Variants in MYEF2 observed in about 807,000 individuals in gnomAD.
The protein encoded by MYEF2 is myelin gene expression factor 2.
In MYEF2, 37 loss-of-function variants were observed where a neutral mutation model predicts 75.2. The ratio of observed to expected loss-of-function variants is 0.49; its 90% CI spans 0.38 to 0.65. MYEF2 has a LOEUF of 0.65. MYEF2 is among the 30% of genes least tolerant of loss of function. The pLI, the probability that MYEF2 is intolerant of heterozygous loss-of-function variation, is 0.00. For synonymous variants in MYEF2, 195 were observed against 241.6 expected (o/e 0.81, Z 1.79); for missense variants, 634 against 771.4 (o/e 0.82, Z 2.11).
At chr15:48,153,672 C>A in intron 10 of MYEF2, 120 bp downstream of exon 10, 1 of 747,940 alleles carries the variant, frequency 1.3e-6, no homozygotes, top group Non-Finnish European at 2.2e-6. Context: ...TGAAGTGACA[C>A]CGTAAATATC....
chr15:48,172,035 CA>C (rs1460209260), intron 1 of MYEF2, among the ~76,000 whole-genome samples: 1 of 151,962 alleles, frequency 6.6e-6, no homozygotes, highest in Non-Finnish European at 1.5e-5. Context: ...GTATGAGATC[CA>C]ATATTAATCC....
intron 5 of MYEF2, among the ~76,000 whole-genome samples, chr15:48,160,115 G>C (rs551215858): frequency 6.6e-6 from 1 of 152,138 alleles, no homozygotes; most frequent in South Asian, 2.1e-4. Context: ...AAAGAAGAGC[G>C]AAGTACTCAC....
intron 1 of MYEF2, among the ~76,000 whole-genome samples, chr15:48,173,860 T>C (rs1342002943): frequency 6.6e-6 from 1 of 152,018 alleles, no homozygotes; most frequent in Non-Finnish European, 1.5e-5. Flanking sequence ...ATAATACAAA[T>C]GAAAGATATT....
Position 48,136,614 on chromosome 15 carries a change from T to C in MYEF2, c.*6294A>G. 2 of 1,381,322 alleles carry C rather than the reference T, an allele frequency of 1.4e-6. No homozygotes were observed. Among genetic ancestry groups the C allele is most frequent in the Non-Finnish European group, 2.0e-6 (2 of 1,012,208 alleles). The allele number at this position is 1,381,322 out of a possible 1,614,324, so 85.6% of individuals were successfully genotyped here. A position where few individuals can be genotyped will look rare whatever the true frequency, so the allele number is the denominator to read the frequency against. ...TGTTAGAAAATCATTCAATAGATAC[T>C]GCCCAAAAGCTATCAACTCTAAAAT... On this transcript the variant is annotated 3_prime_UTR_variant, in exon 17 of 17. Coordinates refer to ENST00000324324, the MANE Select transcript of MYEF2 (RefSeq NM_016132.5).
chr15:48,142,895 C>T lies in MYEF2; in HGVS notation c.*13G>A, dbSNP rs1230879335. On this transcript the variant is annotated 3_prime_UTR_variant, in exon 17 of 17. Coordinates refer to ENST00000324324, the MANE Select transcript of MYEF2 (RefSeq NM_016132.5). ...CAAAACAGATGTAGGAATGTTCCAA[C>T]CATGGCTTGAAATTATGCATTACGA... is the stretch of plus-strand genomic sequence containing the variant. The T allele has an allele frequency of 6.3e-7, 1 of 1,586,116 alleles. No individual in the cohort carries two copies. Among genetic ancestry groups the T allele is most frequent in the Non-Finnish European group, 8.6e-7 (1 of 1,168,376 alleles).
rs554920411 is a variant in MYEF2, at chr15:48,166,126, A to G, written c.426T>C (p.Gly142=). Residue 142 remains glycine (G), a splice_region_variant and synonymous_variant, in exon 4 of 17, where the codon GGT becomes GGC. Coordinates refer to ENST00000324324, the MANE Select transcript of MYEF2 (RefSeq NM_016132.5). ...LFKDAEGKSR[G]CGVVEFKDEE... ...TTAAAGAAAAAATTTCTTACCCACA[A>G]CCCTATATCCAGGTAGATTTGTCAA... 1.4e-5 allele frequency: 22 copies of G among 1,576,276 alleles called. No homozygotes were observed. Among genetic ancestry groups the G allele is most frequent in the Admixed American group, 1.8e-5 (1 of 55,450 alleles).
chr15:48,160,840 A>G (rs903040784), intron 5 of MYEF2, among the ~76,000 whole-genome samples: 12 of 150,478 alleles, frequency 8.0e-5, no homozygotes, highest in African/African-American at 2.9e-4. Flanking sequence ...GGCTTGCAAC[A>G]TATTTCTTCA....
chr15:48,148,644 C>A (rs2140825982), intron 16 of MYEF2, among the ~76,000 whole-genome samples: 1 of 151,940 alleles, frequency 6.6e-6, no homozygotes. Context: ...ATCCCCTGCA[C>A]TATACTATAA....
At position 48,178,247 on chromosome 15, in the gene MYEF2, G is replaced by C. The variant is rs2140961899; in HGVS notation, c.-10C>G. 1 of 1,386,206 alleles carries C rather than the reference G, an allele frequency of 7.2e-7. No individual in the cohort carries two copies. The highest frequency in any genetic ancestry group is 3.9e-5 in the Admixed American group (1 of 25,350). 85.9% of individuals were successfully genotyped at this position (1,386,206 alleles called of 1,614,324 possible). ...TGTTGGCGTCCGCCATCCCGCCGCCGCTGCCTCCGCCTCGGCCGCCTGAGC... is the reference window on the plus strand; with the variant it reads ...TGTTGGCGTCCGCCATCCCGCCGCCCCTGCCTCCGCCTCGGCCGCCTGAGC... On this transcript the variant is annotated 5_prime_UTR_variant, in exon 1 of 17. Transcript: ENST00000324324.
At position 48,135,071 on chromosome 15, in the gene MYEF2, C is replaced by A; in HGVS notation, c.*7837G>T. The A allele has an allele frequency of 9.8e-7, 1 of 1,025,224 alleles. No individual in the cohort carries two copies. The highest frequency in any genetic ancestry group is 2.6e-5 in the East Asian group (1 of 38,656). 63.5% of individuals were successfully genotyped at this position (1,025,224 alleles called of 1,614,324 possible). ...TAATTTTTTTTCAGAAATGTTATTT[C>A]AGTCACTTAATCTGCCACTTCTATA... is the stretch of plus-strand genomic sequence containing the variant. On this transcript the variant is annotated 3_prime_UTR_variant, in exon 17 of 17. Coordinates refer to ENST00000324324, the MANE Select transcript of MYEF2 (RefSeq NM_016132.5).
At chr15:48,173,472 A>G (rs1478876885) in intron 1 of MYEF2, among the ~76,000 whole-genome samples, 1 of 152,210 alleles carries the variant, frequency 6.6e-6, no homozygotes, top group Non-Finnish European at 1.5e-5. Context: ...TCTATTCAAC[A>G]TTGTACTGAA....
chr15:48,151,681 T>C, intron 12 of MYEF2, 110 bp from the exon 13 acceptor site: 1 of 1,230,684 alleles, frequency 8.1e-7, no homozygotes, highest in Non-Finnish European at 1.2e-6. Flanking sequence ...AAATATAAAA[T>C]AGTCTGTCAT....
At chr15:48,160,588 C>A (rs1193011557) in intron 5 of MYEF2, among the ~76,000 whole-genome samples, 1 of 150,466 alleles carries the variant, frequency 6.6e-6, no homozygotes, top group Non-Finnish European at 1.5e-5. Flanking sequence ...TAAACAAAAA[C>A]CACATAAACA....
chr15:48,137,144 C>A lies in MYEF2; in HGVS notation c.*5764G>T. The A allele has an allele frequency of 1.6e-6, 1 of 606,762 alleles. No individual in the cohort carries two copies. The highest frequency in any genetic ancestry group is 2.7e-6 in the Non-Finnish European group (1 of 366,736). The allele number at this position is 606,762 out of a possible 1,614,324, so 37.6% of individuals were successfully genotyped here. ...CAATATCACAGGAAATACAAAATAGCTAAAGTATGAACGTTAAGTACCATA... is the reference window on the plus strand; with the variant it reads ...CAATATCACAGGAAATACAAAATAGATAAAGTATGAACGTTAAGTACCATA... On this transcript the variant is annotated 3_prime_UTR_variant, in exon 17 of 17. Transcript: ENST00000324324.
In MYEF2 at chr15:48,142,685, A is replaced by G. The variant is rs1040558448; in HGVS notation, c.*223T>C. Reference sequence around the variant, plus strand: ...TTATTTCATTAAAAACAGTATAACCATTCATTTAAACTGAATGACCAGACT... The same window carrying G: ...TTATTTCATTAAAAACAGTATAACCGTTCATTTAAACTGAATGACCAGACT... On this transcript the variant is annotated 3_prime_UTR_variant, in exon 17 of 17. Transcript: ENST00000324324. 3.4e-5 allele frequency: 17 copies of G among 494,488 alleles called. No homozygotes were observed. Among genetic ancestry groups the G allele is most frequent in the Non-Finnish European group, 5.2e-5 (15 of 287,674 alleles). The allele number at this position is 494,488 out of a possible 1,614,324, so 30.6% of individuals were successfully genotyped here.
chr15:48,135,896 T>C lies in MYEF2; in HGVS notation c.*7012A>G, dbSNP rs1159289580. The C allele has an allele frequency of 6.6e-6, 1 of 152,092 alleles. No homozygotes were observed. Among genetic ancestry groups the C allele is most frequent in the Non-Finnish European group, 1.5e-5 (1 of 68,010 alleles). The allele number at this position is 152,092 out of a possible 1,614,324, so 9.4% of individuals were successfully genotyped here. On this transcript the variant is annotated 3_prime_UTR_variant, in exon 17 of 17. Transcript: ENST00000324324. The stretch of plus-strand genomic sequence containing the variant: ...AGAAATCCTTCTAGAACTCAGCAGT[T>C]GTCTGTAAGGGATAGTGACTGTGAG...
chr15:48,169,489 G>C (rs1414665165), intron 1 of MYEF2, among the ~76,000 whole-genome samples: 1 of 151,994 alleles, frequency 6.6e-6, no homozygotes, highest in African/African-American at 2.4e-5. Flanking sequence ...CTATAAACTA[G>C]AATAGGGTAC....
Position 48,168,855 on chromosome 15 carries a change from A to G in MYEF2, c.162-16T>C, listed in dbSNP as rs948370097. ...ATCATTCTCCCTGTGAATTAAAAAA[A>G]GTCAAACAAACAAAAACCCTCAGTT... On this transcript the variant is annotated splice_polypyrimidine_tract_variant and intron_variant, in intron 1 of 16. Transcript: ENST00000324324. 19 of 1,586,414 alleles carry G rather than the reference A, an allele frequency of 1.2e-5. No homozygotes were observed. The highest frequency in any genetic ancestry group is 1.6e-5 in the Non-Finnish European group (19 of 1,159,900).
intron 10 of MYEF2, chr15:48,153,023 A>G (rs1313123699): frequency 7.2e-6 from 1 of 139,540 alleles, no homozygotes; most frequent in Non-Finnish European, 1.5e-5. Flanking sequence ...TTAAGGTGTA[A>G]TTTTCCAAAC....
Sources: allele counts gnomAD v4.1 joint callset (sites outside exome capture counted in the v4.1 genomes callset), GRCh38; gene constraint gnomAD v4.1.1; transcripts MANE v1.5; gene names NCBI Gene and HGNC (gene_info 2026-07-23, HGNC 2026-07-21).